The following PATL1 variants were observed in gnomAD, a reference collection of about 807,000 sequenced individuals.
PATL1 encodes PAT1 homolog 1, processing body mRNA decay factor.
In PATL1, 32 loss-of-function variants were observed where a neutral mutation model predicts 100.6. The observed-to-expected ratio is 0.32, with a 90% CI of 0.24 to 0.43. PATL1 has a LOEUF of 0.43. PATL1 is among the 20% of genes least tolerant of loss of function. The pLI, the probability that PATL1 is intolerant of heterozygous loss-of-function variation, is 1.00. For missense variants in PATL1, 747 were observed against 949.9 expected, an observed-to-expected ratio of 0.79 and a Z score of 2.81; for synonymous variants, 332 against 330.0, an observed-to-expected ratio of 1.01 and a Z score of -0.07.
At chr11:59,649,122 C>A (rs979959977) in intron 14 of PATL1, among the ~76,000 whole-genome samples, 1 of 152,120 alleles carries the variant, frequency 6.6e-6, no homozygotes, top group Non-Finnish European at 1.5e-5. Flanking sequence ...ATAAAGATTA[C>A]AAGGTTAAAC....
chr11:59,649,983 T>A (rs955047668), intron 13 of PATL1, among the ~76,000 whole-genome samples: 1 of 152,022 alleles, frequency 6.6e-6, no homozygotes, highest in East Asian at 1.9e-4. Context: ...TAGCCAGGCA[T>A]AGTGGCACAT....
chr11:59,653,359 G>A (rs1861473397), intron 9 of PATL1, among the ~76,000 whole-genome samples: 1 of 152,132 alleles, frequency 6.6e-6, no homozygotes, highest in Admixed American at 6.5e-5. Context: ...CAAGTAATTT[G>A]TCCAAAGCCA....
At chr11:59,660,076 A>AT (rs1476078867) in intron 2 of PATL1, among the ~76,000 whole-genome samples, 1 of 152,248 alleles carries the variant, frequency 6.6e-6, no homozygotes, top group African/African-American at 2.4e-5. Flanking sequence ...TTGGTGATAG[A>AT]TATGTATAGT....
At chr11:59,668,780 G>GC in intron 1 of PATL1, 101 bp downstream of exon 1, 2 of 617,684 alleles carry the variant, frequency 3.2e-6, no homozygotes, top group Non-Finnish European at 5.7e-6. Flanking sequence ...CCCCCAGCCC[G>GC]CCCCCTGCCC....
At chr11:59,652,412 G>A in intron 11 of PATL1, 52 bp downstream of exon 11, 1 of 1,574,602 alleles carries the variant, frequency 6.4e-7, no homozygotes, top group Non-Finnish European at 8.6e-7. Flanking sequence ...AATCACATCA[G>A]CAGCTTCTCA....
chr11:59,646,039 C>A (rs1004231000), intron 15 of PATL1, among the ~76,000 whole-genome samples: 3 of 152,260 alleles, frequency 2.0e-5, no homozygotes, highest in African/African-American at 7.2e-5. Context: ...CTTTTAGCAC[C>A]TAGAACTAGG....
intron 9 of PATL1, among the ~76,000 whole-genome samples, chr11:59,653,408 AT>A (rs1011493530): frequency 1.3e-5 from 2 of 152,224 alleles, no homozygotes; most frequent in African/African-American, 2.4e-5. Context: ...AACACAGGCG[AT>A]TTAGCTCTGA....
rs1163518166 is a variant in PATL1, at chr11:59,643,004, A to G, written c.1925T>C (p.Leu642Pro). Residue 642 changes from leucine (L) to proline (P), a missense_variant, in exon 16 of 19, where the codon CTC becomes CCC. Coordinates refer to ENST00000300146, the MANE Select transcript of PATL1 (RefSeq NM_152716.3). The part of the protein sequence containing the change: ...VLPCLLSPFS[L>P]LLYHLPSVSI... ...CACTGATGGAAGATGATAGAGAAGG[A>G]GAGAGAAGGGACTCAGTAAGCATGG... 6.2e-7 allele frequency: 1 copy of G among 1,613,858 alleles called. No individual in the cohort carries two copies. Among genetic ancestry groups the G allele is most frequent in the East Asian group, 2.2e-5 (1 of 44,884 alleles).
intron 15 of PATL1, among the ~76,000 whole-genome samples, chr11:59,645,545 ACTCTC>A (rs1861352668): frequency 6.6e-6 from 1 of 151,634 alleles, no homozygotes; most frequent in Admixed American, 6.6e-5. Flanking sequence ...TGTATTATCA[ACTCTC>A]TGATTACCAT....
chr11:59,657,236 C>A, intron 5 of PATL1: 1 of 725,868 alleles, frequency 1.4e-6, no homozygotes, highest in Non-Finnish European at 1.7e-6. Flanking sequence ...TTTCAGTTAT[C>A]TCTCTGACAA....
In PATL1 at chr11:59,656,052, T is replaced by TAA. The variant is rs750390194; in HGVS notation, c.724-9_724-8dup. The TAA allele has an allele frequency of 4.3e-3, 3,271 of 766,220 alleles. 58 individuals are homozygous for TAA. The African/African-American group carries it at 0.059, about 14-fold the overall frequency. 47.5% of individuals were successfully genotyped at this position (766,220 alleles called of 1,614,324 possible). A position where few individuals can be genotyped will look rare whatever the true frequency, so the allele number is the denominator to read the frequency against. ...GACCCAGGAGGGAAGAGTTCTAAGGTAAAAAAAAAAAAAAAAAAAAGAATA... is the reference window on the plus strand; with the variant it reads ...GACCCAGGAGGGAAGAGTTCTAAGGTAAAAAAAAAAAAAAAAAAAAAAGAATA... On this transcript the variant is annotated splice_polypyrimidine_tract_variant and splice_region_variant and intron_variant, in intron 6 of 18. Transcript: ENST00000300146.
At chr11:59,639,443 G>A in intron 16 of PATL1, 60 bp from the exon 17 acceptor site, 2 of 1,284,412 alleles carry the variant, frequency 1.6e-6, no homozygotes, top group South Asian at 2.6e-5. Flanking sequence ...CTCCACCACT[G>A]TTGAAGGGAT....
rs1861198450 is a variant in PATL1 at position 59,636,806 on chromosome 11, AC to A, written c.*1583del. ...TTTTCATTAATTAGAACCAATCCAA[AC>A]AAAAAAGATAAAGCACAGTAAGGAA... On this transcript the variant is annotated 3_prime_UTR_variant, in exon 19 of 19. Coordinates refer to ENST00000300146, the MANE Select transcript of PATL1 (RefSeq NM_152716.3). 2 of 152,620 alleles carry A rather than the reference AC, an allele frequency of 1.3e-5. No individual in the cohort carries two copies. The highest frequency in any genetic ancestry group is 4.8e-5 in the African/African-American group (2 of 41,452). 9.5% of individuals were successfully genotyped at this position (152,620 alleles called of 1,614,324 possible).
At chr11:59,654,611 A>C (rs2134751777) in intron 8 of PATL1, among the ~76,000 whole-genome samples, 1 of 152,084 alleles carries the variant, frequency 6.6e-6, no homozygotes, top group Non-Finnish European at 1.5e-5. Context: ...AATCTGAGTG[A>C]ATTAGGAGTA....
chr11:59,668,750 T>C, intron 1 of PATL1, 131 bp downstream of exon 1: 1 of 491,502 alleles, frequency 2.0e-6, no homozygotes, highest in South Asian at 2.1e-5. Flanking sequence ...ACCAGTCGCG[T>C]CCAGCTAAGT....
chr11:59,659,636 A>G (rs1157118020), intron 2 of PATL1, among the ~76,000 whole-genome samples, 167 bp from the exon 3 acceptor site: 1 of 151,892 alleles, frequency 6.6e-6, no homozygotes, highest in Non-Finnish European at 1.5e-5. Flanking sequence ...GGTTCAAGCA[A>G]TTCTCTGCGT....
At chr11:59,647,733 T>C (rs200299977) in intron 15 of PATL1, 21 bp downstream of exon 15, 2 of 1,611,816 alleles carry the variant, frequency 1.2e-6, no homozygotes, top group African/African-American at 2.7e-5. Context: ...AAAAGAAAGA[T>C]GTCCCATCTT....
chr11:59,649,324 T>G, intron 14 of PATL1, 138 bp downstream of exon 14: 1 of 839,718 alleles, frequency 1.2e-6, no homozygotes, highest in Non-Finnish European at 1.8e-6. Flanking sequence ...AAGTGGCATT[T>G]GAGTTAGGCT....
chr11:59,668,925 G>A lies in PATL1; in HGVS notation c.-30C>T, dbSNP rs1449426521. 8.4e-6 allele frequency: 4 copies of A among 478,500 alleles called. No homozygotes were observed. Among genetic ancestry groups the A allele is most frequent in the East Asian group, 3.9e-5 (1 of 25,344 alleles). 29.6% of individuals were successfully genotyped at this position (478,500 alleles called of 1,614,324 possible). ...GGGGAGGGGGGCAGGGAGCGGGGAG[G>A]GGAGAGGGGGAGGGAGGGAAGAAGC... On this transcript the variant is annotated 5_prime_UTR_variant, in exon 1 of 19. Coordinates refer to ENST00000300146, the MANE Select transcript of PATL1 (RefSeq NM_152716.3).
Sources: gnomAD v4.1 joint callset for allele counts (sites outside exome capture counted in the v4.1 genomes callset) on GRCh38, gnomAD v4.1.1 for gene constraint, MANE v1.5 for transcripts, NCBI Gene and HGNC (gene_info 2026-07-23, HGNC 2026-07-21) for gene names.